Variants in SYTL3 observed in about 807,000 individuals in gnomAD.
SYTL3 encodes synaptotagmin-like protein 3.
In SYTL3, 88 loss-of-function variants were observed where a neutral mutation model predicts 82.1. The ratio of observed to expected loss-of-function variants is 1.07; its 90% CI spans 0.90 to 1.28. SYTL3 has a LOEUF of 1.28. Among genes scored for constraint, SYTL3 ranks in the 50% most tolerant of loss-of-function variants. The pLI, the probability that SYTL3 is intolerant of heterozygous loss-of-function variation, is 0.00. For synonymous variants in SYTL3, 311 were observed against 289.4 expected, an observed-to-expected ratio of 1.07 and a Z score of -0.76; for missense variants, 831 against 757.6, an observed-to-expected ratio of 1.10 and a Z score of -1.14.
At chr6:158,738,538 A>T (rs914147503) in intron 11 of SYTL3, among the ~76,000 whole-genome samples, 1 of 152,066 alleles carries the variant, frequency 6.6e-6, no homozygotes, top group African/African-American at 2.4e-5. Flanking sequence ...TCTCTTACGC[A>T]TTCAGCCTCT....
upstream of SYTL3, among the ~76,000 whole-genome samples, chr6:158,648,009 A>G (rs981992205): frequency 4.6e-5 from 7 of 152,228 alleles, no homozygotes; most frequent in Non-Finnish European, 1.0e-4. Context: ...AATATCCAGC[A>G]GTGGCTGGGC....
upstream of SYTL3, among the ~76,000 whole-genome samples, chr6:158,648,407 C>G (rs1488736778): frequency 6.6e-6 from 1 of 151,772 alleles, no homozygotes; most frequent in Non-Finnish European, 1.5e-5. Flanking sequence ...CTGGCTAACA[C>G]GGTGAAACCC....
intron 2 of SYTL3, among the ~76,000 whole-genome samples, chr6:158,655,658 C>T (rs1192293714): frequency 6.6e-6 from 1 of 152,228 alleles, no homozygotes. Context: ...CCGGCATTAG[C>T]TGAGTGTACT....
chr6:158,701,860 C>T (rs1781345886), intron 6 of SYTL3, among the ~76,000 whole-genome samples: 2 of 151,968 alleles, frequency 1.3e-5, no homozygotes, highest in Admixed American at 1.3e-4. Flanking sequence ...CTGCCTCCCT[C>T]TTCCTGCTTC....
At chr6:158,654,173 C>G (rs902229398) in intron 2 of SYTL3, among the ~76,000 whole-genome samples, 5 of 152,186 alleles carry the variant, frequency 3.3e-5, no homozygotes, top group South Asian at 2.1e-4. Flanking sequence ...CCCACCAGCC[C>G]TCTCTGCTCC....
At position 158,665,440 on chromosome 6, in the gene SYTL3, G is replaced by A; in HGVS notation, c.156G>A (p.Lys52=). Reference sequence around the variant, plus strand: ...AGCATCTCCGGTGGAAAGGAGCGAAGAACACGGACTGGGAGCACAAAGAGA... The same window carrying A: ...AGCATCTCCGGTGGAAAGGAGCGAAAAACACGGACTGGGAGCACAAAGAGA... ...HLQHLRWKGA[K]NTDWEHKEKC... is the part of the protein sequence containing the mutation. Residue 52 remains lysine (K), a synonymous_variant, in exon 5 of 18, where the codon AAG becomes AAA. Coordinates refer to ENST00000611299, the MANE Select transcript of SYTL3 (RefSeq NM_001242394.2). 6.2e-7 allele frequency: 1 copy of A among 1,608,484 alleles called. No homozygotes were observed. The highest frequency in any genetic ancestry group is 8.5e-7 in the Non-Finnish European group (1 of 1,177,460).
intron 15 of SYTL3, 122 bp downstream of exon 15, chr6:158,760,867 C>G (rs1224136043): frequency 2.8e-6 from 2 of 726,338 alleles, no homozygotes; most frequent in Non-Finnish European, 4.7e-6. Flanking sequence ...CCGTGCCCAG[C>G]TCCAGCAGCT....
chr6:158,666,788 CCTTTGCAAGGCTTA>C (rs1790113494), intron 5 of SYTL3, among the ~76,000 whole-genome samples: 1 of 152,276 alleles, frequency 6.6e-6, no homozygotes, highest in Middle Eastern at 3.4e-3. Flanking sequence ...GTGTCCTGTC[CCTTTGCAAGGCTTA>C]CTGTATTTCA....
chr6:158,673,297 G>A (rs545026330), intron 5 of SYTL3, among the ~76,000 whole-genome samples: 37 of 151,844 alleles, frequency 2.4e-4, no homozygotes, highest in Admixed American at 5.9e-4. Context: ...TGTTTTTGTG[G>A]ATTAAGGGCC....
intron 13 of SYTL3, among the ~76,000 whole-genome samples, chr6:158,753,426 A>AT (rs1211022665): frequency 6.6e-6 from 1 of 151,228 alleles, no homozygotes; most frequent in African/African-American, 2.4e-5. Context: ...AGAACTGGGG[A>AT]TTTTTTTAAA....
At chr6:158,685,416 T>A (rs937428193) in intron 6 of SYTL3, among the ~76,000 whole-genome samples, 2 of 152,224 alleles carry the variant, frequency 1.3e-5, no homozygotes, top group South Asian at 2.1e-4. Flanking sequence ...TTTCACCTTG[T>A]TGACTGGTCT....
intron 6 of SYTL3, among the ~76,000 whole-genome samples, chr6:158,683,873 A>T (rs968283479): frequency 1.3e-5 from 2 of 152,190 alleles, no homozygotes; most frequent in African/African-American, 2.4e-5. Flanking sequence ...ATATGGGTGG[A>T]AGCATTTTGT....
chr6:158,711,081 G>C (rs1782716491), intron 8 of SYTL3, among the ~76,000 whole-genome samples: 1 of 151,784 alleles, frequency 6.6e-6, no homozygotes, highest in Non-Finnish European at 1.5e-5. Flanking sequence ...CGCCCAGCCA[G>C]GTCTACGCAT....
At chr6:158,688,297 G>C (rs1288307769) in intron 6 of SYTL3, among the ~76,000 whole-genome samples, 6 of 152,172 alleles carry the variant, frequency 3.9e-5, no homozygotes, top group African/African-American at 1.4e-4. Context: ...TTAGAAGAAT[G>C]ATTGGTCAAG....
At chr6:158,692,257 C>CAAAAAAAAAAAAAAAAA (rs571381475) in intron 6 of SYTL3, among the ~76,000 whole-genome samples, 3 of 32,186 alleles carry the variant, frequency 9.3e-5, no homozygotes, top group Non-Finnish European at 1.2e-4. Flanking sequence ...GACTCCGTCT[C>CAAAAAAAAAAAAAAAAA]AAAAAAAAAA....
In SYTL3 at chr6:158,745,605, CA is replaced by C; in HGVS notation, c.983del (p.Lys328ArgfsTer20). 1 of 1,613,340 alleles carries C rather than the reference CA, an allele frequency of 6.2e-7. No homozygotes were observed. ...AAACCCATTCTTTAGAAATATGCAT[CA>C]AGGCCTGTAAGAACCTTGCCTATGG... ...FKTHSLEICI[K>X]ACKNLAYGEE... On this transcript the variant is annotated frameshift_variant, in exon 12 of 18. Coordinates refer to ENST00000611299, the MANE Select transcript of SYTL3 (RefSeq NM_001242394.2). LOFTEE classifies it high-confidence loss of function.
At chr6:158,690,991 A>G (rs1013988391) in intron 6 of SYTL3, among the ~76,000 whole-genome samples, 11 of 152,270 alleles carry the variant, frequency 7.2e-5, no homozygotes, top group African/African-American at 2.4e-4. Flanking sequence ...AACTGATTCA[A>G]ATTCAACCTT....
chr6:158,746,455 A>ATT (rs57749212), intron 12 of SYTL3, among the ~76,000 whole-genome samples: 35,305 of 144,370 alleles, frequency 0.24, 4,780 homozygotes, highest in Middle Eastern at 0.31. Flanking sequence ...TAATAATAAT[A>ATT]ATAATATTAT....
intron 6 of SYTL3, among the ~76,000 whole-genome samples, chr6:158,704,372 C>T (rs564675938): frequency 1.3e-5 from 2 of 152,350 alleles, no homozygotes; most frequent in Non-Finnish European, 2.9e-5. Flanking sequence ...CTGCAGCCGG[C>T]AGGGGGCAGC....
Sources: gnomAD v4.1 joint callset for allele counts (sites outside exome capture counted in the v4.1 genomes callset) on GRCh38, gnomAD v4.1.1 for gene constraint, MANE v1.5 for transcripts, NCBI Gene and HGNC (gene_info 2026-07-23, HGNC 2026-07-21) for gene names.